CACNA1G: variants seen among roughly 807,000 people sequenced by gnomAD.
The protein encoded by CACNA1G is voltage-dependent T-type calcium channel subunit alpha-1G.
Under a neutral mutation model 219.4 loss-of-function variants are expected in CACNA1G, and 67 were observed. The ratio of observed to expected loss-of-function variants is 0.31; its 90% CI spans 0.25 to 0.37. The LOEUF is 0.37. Ranked by LOEUF, CACNA1G falls within the 10% of genes least tolerant of loss-of-function variation. The probability of loss-of-function intolerance (pLI) is 1.00; values close to 1 mark genes in which losing one functional copy is unlikely to be tolerated. For missense variants in CACNA1G, 2,380 were observed against 3,231.4 expected (o/e 0.74, Z 6.39); for synonymous variants, 1,296 against 1,345.3 (o/e 0.96, Z 0.80).
intron 13 of CACNA1G, among the ~76,000 whole-genome samples, chr17:50,593,779 A>G (rs2044888694): frequency 6.6e-6 from 1 of 152,108 alleles, no homozygotes; most frequent in South Asian, 2.1e-4. Context: ...TGGAGAAAGG[A>G]CTTTAAGAAC....
At chr17:50,594,919 C>T (rs141313510) in intron 13 of CACNA1G, 74 bp from the exon 14 acceptor site, 69 of 1,152,846 alleles carry the variant, frequency 6.0e-5, no homozygotes, top group African/African-American at 3.8e-4. Flanking sequence ...CATCCTCTCT[C>T]GACACTGCCG....
chr17:50,597,200 G>A (rs2045749180), intron 16 of CACNA1G, among the ~76,000 whole-genome samples: 2 of 152,330 alleles, frequency 1.3e-5, no homozygotes, highest in South Asian at 4.1e-4. Flanking sequence ...ATCTGCTTCT[G>A]TAAAATGGAG....
chr17:50,584,801 G>A (rs533212239), intron 9 of CACNA1G, among the ~76,000 whole-genome samples: 7 of 152,192 alleles, frequency 4.6e-5, no homozygotes, highest in Admixed American at 3.3e-4. Context: ...GGGGGCTGCA[G>A]AGTCCAGAAG....
At chr17:50,598,230 T>C (rs1054662734) in intron 16 of CACNA1G, among the ~76,000 whole-genome samples, 10 of 152,226 alleles carry the variant, frequency 6.6e-5, no homozygotes, top group Non-Finnish European at 4.4e-5. Context: ...GGTTTCACCA[T>C]GTTGGCCAGG....
intron 9 of CACNA1G, among the ~76,000 whole-genome samples, chr17:50,585,676 CGG>C (rs1311289076): frequency 6.6e-6 from 1 of 151,830 alleles, no homozygotes; most frequent in Non-Finnish European, 1.5e-5. Context: ...GGAGAGCTTC[CGG>C]GGGCTGGGGA....
In CACNA1G at chr17:50,596,426, G is replaced by C. The variant is rs903044351; in HGVS notation, c.2980-136G>C. On this transcript the variant is annotated intron_variant, in intron 14 of 37. Coordinates refer to ENST00000359106, the MANE Select transcript of CACNA1G (RefSeq NM_018896.5). The surrounding 1 kb of genome is among the most constrained non-coding windows in gnomAD (Gnocchi z 4.8). ...AAGCCTGGGGGGTCTGGCCTGCGCC[G>C]TGCATGTCTCGTGCCGTGGTTGCTG... The C allele has an allele frequency of 5.6e-6, 4 of 719,600 alleles. No homozygotes were observed. The highest frequency in any genetic ancestry group is 9.7e-6 in the Non-Finnish European group (4 of 411,612). The allele number at this position is 719,600 out of a possible 1,614,324, so 44.6% of individuals were successfully genotyped here.
At chr17:50,582,915 T>C (rs887779421) in intron 9 of CACNA1G, among the ~76,000 whole-genome samples, 1 of 152,096 alleles carries the variant, frequency 6.6e-6, no homozygotes, top group Non-Finnish European at 1.5e-5. Context: ...GGGGCCATCC[T>C]GTCACTCCAG....
At chr17:50,602,778 G>A in intron 19 of CACNA1G, 42 bp from the exon 20 acceptor site, 5 of 1,595,780 alleles carry the variant, frequency 3.1e-6, no homozygotes, top group Non-Finnish European at 4.3e-6. Context: ...CCCAAGGGTG[G>A]GGGCTTCCTG....
At position 50,599,423 on chromosome 17, in the gene CACNA1G, C is replaced by T; in HGVS notation, c.3259-5C>T. On this transcript the variant is annotated splice_polypyrimidine_tract_variant and splice_region_variant and intron_variant, in intron 16 of 37. Transcript: ENST00000359106. ...TGAGACCACTCCTCCCCTGCTCACCCACAGCCCAGCGCCCGCAGCTCTCCG... is the reference window on the plus strand; with the variant it reads ...TGAGACCACTCCTCCCCTGCTCACCTACAGCCCAGCGCCCGCAGCTCTCCG... The T allele has an allele frequency of 6.5e-7, 1 of 1,535,978 alleles. No homozygotes were observed. The highest frequency in any genetic ancestry group is 2.0e-5 in the Admixed American group (1 of 50,560).
In CACNA1G at chr17:50,609,872, G is replaced by A. The variant is rs780571763; in HGVS notation, c.4706-10G>A. 15 of 1,610,748 alleles carry A rather than the reference G, an allele frequency of 9.3e-6. No homozygotes were observed. The highest frequency in any genetic ancestry group is 2.2e-5 in the South Asian group (2 of 91,064). On this transcript the variant is annotated splice_polypyrimidine_tract_variant and intron_variant, in intron 25 of 37. Coordinates refer to ENST00000359106, the MANE Select transcript of CACNA1G (RefSeq NM_018896.5). ...CGGCCAGTGACCAATGTCGTGTTTC[G>A]TTCTTTTAGATCTAATGCTGGACGA...
intron 26 of CACNA1G, among the ~76,000 whole-genome samples, chr17:50,614,540 C>T (rs1465514449): frequency 2.0e-5 from 3 of 152,264 alleles, no homozygotes; most frequent in African/African-American, 7.2e-5. Flanking sequence ...GGCAGCCCAA[C>T]CTTCTGGCTC....
intron 7 of CACNA1G, 136 bp downstream of exon 7, chr17:50,573,249 T>C (rs1031707782): frequency 6.1e-6 from 4 of 660,674 alleles, no homozygotes; most frequent in African/African-American, 1.8e-5. Flanking sequence ...GCATCCATCA[T>C]ATAGTAGGAG....
rs762839886 is a variant in CACNA1G at position 50,596,793 on chromosome 17, C to A, written c.3128C>A (p.Thr1043Lys). ...CTGCTGCCGCCTCTCATCATCCACA[C>A]GGCCGCCACACCCATGTCGCTGCCC... ...KSLLPPLIIHTAATPMSLPKS... is the reference protein window; with the variant it reads ...KSLLPPLIIHKAATPMSLPKS... Residue 1043 changes from threonine (T) to lysine (K), a missense_variant, in exon 16 of 38, where the codon ACG (threonine) becomes AAG (lysine). By Grantham distance (78) the Thr-to-Lys change is moderately conservative (BLOSUM62 -1). Coordinates refer to ENST00000359106, the MANE Select transcript of CACNA1G (RefSeq NM_018896.5). This position sits in a 1 kb window ranked among gnomAD's most constrained non-coding sequence, Gnocchi z 4.8. The A allele has an allele frequency of 1.2e-6, 2 of 1,611,104 alleles. No homozygotes were observed. The highest frequency in any genetic ancestry group is 1.7e-6 in the Non-Finnish European group (2 of 1,179,528).
rs1048099142 is a variant in CACNA1G, at chr17:50,600,538, G to A, written c.3691-188G>A. 6.6e-6 allele frequency among the ~76,000 whole-genome samples: 1 copy of A among 151,954 alleles called. No homozygotes were observed. The highest frequency in any genetic ancestry group is 2.4e-5 in the African/African-American group (1 of 41,336). On this transcript the variant is annotated intron_variant, in intron 17 of 37. Transcript: ENST00000359106. The surrounding 1 kb of genome is among the most constrained non-coding windows in gnomAD (Gnocchi z 4.1). ...GCAAGGGGTCCTCAGGGATGGGGAG[G>A]GGGCCTGGCAAGGTTGACAGGGAGA...
Position 50,626,682 on chromosome 17 carries a change from G to A in CACNA1G, c.7065G>A (p.Ser2355=), listed in dbSNP as rs1033768096. 7.4e-6 allele frequency: 12 copies of A among 1,612,984 alleles called. No homozygotes were observed. The highest frequency in any genetic ancestry group is 4.5e-5 in the East Asian group (2 of 44,844). The part of the protein sequence containing the change: ...ASGPPDSMAA[S]PSPKKDVLSL... The stretch of plus-strand genomic sequence containing the variant: ...GCCCCCCTGACAGCATGGCTGCCTC[G>A]CCCTCCCCAAAGAAAGATGTGCTGA... The change falls in exon 38 of 38, where the codon TCG becomes TCA. Residue 2355 remains serine, a synonymous_variant. Transcript: ENST00000359106. The surrounding 1 kb of genome is among the most constrained non-coding windows in gnomAD (Gnocchi z 4.3).
intron 14 of CACNA1G, among the ~76,000 whole-genome samples, chr17:50,595,850 T>G (rs528589512): frequency 5.9e-5 from 9 of 152,368 alleles, no homozygotes; most frequent in Admixed American, 1.3e-4. Context: ...TCCCCTGAGA[T>G]GCCAATTACC....
chr17:50,569,879 C>A, intron 4 of CACNA1G, 76 bp downstream of exon 4: 1 of 1,108,450 alleles, frequency 9.0e-7, no homozygotes, highest in Non-Finnish European at 1.3e-6. Context: ...CCCACCTCTA[C>A]TACTGTGTCC....
In CACNA1G at chr17:50,597,021, T is replaced by TCGG. The variant is rs2045703462; in HGVS notation, c.3258+98_3258+99insCGG. 29 of 1,157,180 alleles carry TCGG rather than the reference T, an allele frequency of 2.5e-5. No homozygotes were observed. The South Asian group carries it at 4.7e-4, about 19-fold the overall frequency. 71.7% of individuals were successfully genotyped at this position (1,157,180 alleles called of 1,614,324 possible). A position where few individuals can be genotyped will look rare whatever the true frequency, so the allele number is the denominator to read the frequency against. On this transcript the variant is annotated intron_variant, in intron 16 of 37. Coordinates refer to ENST00000359106, the MANE Select transcript of CACNA1G (RefSeq NM_018896.5). ...CAGGCGGGTCCAAGGGCACAGCCCC[T>TCGG]GCCCCATGGGCTGGATGGGGCCTGG...
chr17:50,597,072 A>T, intron 16 of CACNA1G, 149 bp downstream of exon 16: 1 of 792,508 alleles, frequency 1.3e-6, no homozygotes, highest in Non-Finnish European at 1.9e-6. Flanking sequence ...CCCCTGGGGA[A>T]TCTGCGCCGG....
Sources: allele counts gnomAD v4.1 joint callset (sites outside exome capture counted in the v4.1 genomes callset), GRCh38; gene constraint gnomAD v4.1.1; non-coding constraint Gnocchi (gnomAD v3.1); transcripts MANE v1.5; gene names NCBI Gene and HGNC (gene_info 2026-07-23, HGNC 2026-07-21).